Variants in CAST observed in about 807,000 individuals in gnomAD.
CAST encodes the protein calpastatin.
CAST carries 76 observed loss-of-function variants against 119.6 expected under a neutral mutation model. The observed-to-expected ratio is 0.64, with a 90% confidence interval of 0.53 to 0.77. The LOEUF (loss-of-function observed/expected upper bound fraction) is 0.77. Ranked by LOEUF, CAST falls within the 30% of genes least tolerant of loss-of-function variation. The pLI, the probability that CAST is intolerant of heterozygous loss-of-function variation, is 0.00. For synonymous variants in CAST, 319 were observed against 331.6 expected, an observed-to-expected ratio of 0.96 and a Z score of 0.41; for missense variants, 953 against 946.5, an observed-to-expected ratio of 1.01 and a Z score of -0.09.
chr5:96,556,373 G>A lies in CAST; in HGVS notation c.60+26493G>A, dbSNP rs184594574. Reference sequence around the variant, plus strand: ...AAGCTGGACGGAGAATGACTTTGACGAGTTGAGAGAAGAAGGCTTCAGAAG... The same window carrying A: ...AAGCTGGACGGAGAATGACTTTGACAAGTTGAGAGAAGAAGGCTTCAGAAG... On this transcript the variant is annotated intron_variant, in intron 1 of 11. Coordinates refer to the CAST transcript ENST00000505143. 3.1e-4 allele frequency among the ~76,000 whole-genome samples: 47 copies of A among 152,346 alleles called. No individual in the cohort carries two copies. In the Middle Eastern group the frequency reaches 0.017, roughly 55 times the overall value.
At chr5:96,589,526 G>T (rs1746927509) in intron 1 of CAST, among the ~76,000 whole-genome samples, 1 of 151,946 alleles carries the variant, frequency 6.6e-6, no homozygotes, top group South Asian at 2.1e-4. Flanking sequence ...AGTCATTTTT[G>T]CACTTGCTTT....
chr5:96,209,599 T>G, the CAST span, among the ~76,000 whole-genome samples: 1 of 152,006 alleles, frequency 6.6e-6, no homozygotes, highest in Non-Finnish European at 1.5e-5. Flanking sequence ...GATATGAAAT[T>G]TTTTATTGGA....
At chr5:96,097,541 C>G in the CAST span, among the ~76,000 whole-genome samples, 1 of 152,060 alleles carries the variant, frequency 6.6e-6, no homozygotes, top group Non-Finnish European at 1.5e-5. Flanking sequence ...TCCATGTATC[C>G]TCATCATTTA....
chr5:96,570,222 G>A (rs903139711), intron 1 of CAST, among the ~76,000 whole-genome samples: 4 of 152,128 alleles, frequency 2.6e-5, no homozygotes, highest in Non-Finnish European at 5.9e-5. Context: ...CCATGATGCT[G>A]GGCAGAGTAG....
the CAST span, among the ~76,000 whole-genome samples, chr5:96,108,396 G>T: frequency 6.6e-6 from 1 of 152,156 alleles, no homozygotes. Context: ...GTACAGATGG[G>T]TTTTTGGTGT....
chr5:96,438,309 A>G, the CAST span, among the ~76,000 whole-genome samples: 131 of 152,344 alleles, frequency 8.6e-4, no homozygotes, highest in African/African-American at 3.0e-3. Context: ...CCTGGGGTTT[A>G]CATCTGGTGT....
At chr5:96,664,161 C>T (rs1235193034) in intron 1 of CAST, among the ~76,000 whole-genome samples, 1 of 151,942 alleles carries the variant, frequency 6.6e-6, no homozygotes, top group Non-Finnish European at 1.5e-5. Context: ...AGACAATGGA[C>T]ATTTATTGAT....
At chr5:96,073,003 T>A in the CAST span, among the ~76,000 whole-genome samples, 2 of 152,366 alleles carry the variant, frequency 1.3e-5, no homozygotes, top group South Asian at 4.1e-4. Flanking sequence ...TGAGATTGTT[T>A]ATTCGAGATT....
At chr5:96,177,776 A>G in the CAST span, among the ~76,000 whole-genome samples, 1 of 152,208 alleles carries the variant, frequency 6.6e-6, no homozygotes, top group Non-Finnish European at 1.5e-5. Flanking sequence ...AGTGCTGAGG[A>G]CAACATCAAT....
chr5:96,638,523 A>G (rs924643819), intron 1 of CAST, among the ~76,000 whole-genome samples: 18 of 152,202 alleles, frequency 1.2e-4, no homozygotes, highest in Admixed American at 3.9e-4. Context: ...TCTTCTGGGG[A>G]TCCTCTAGAC....
chr5:96,592,239 A>T (rs957761228), intron 1 of CAST, among the ~76,000 whole-genome samples: 6 of 151,942 alleles, frequency 3.9e-5, no homozygotes, highest in African/African-American at 1.5e-4. Context: ...TCTCTGCTAG[A>T]AATACAGGGG....
At chr5:96,016,195 C>A in the CAST span, among the ~76,000 whole-genome samples, 1 of 152,350 alleles carries the variant, frequency 6.6e-6, no homozygotes, top group Non-Finnish European at 1.5e-5. Flanking sequence ...GCCAGCCTCA[C>A]AATCATGTAC....
At chr5:96,566,406 G>A (rs533225878) in intron 1 of CAST, among the ~76,000 whole-genome samples, 5 of 152,302 alleles carry the variant, frequency 3.3e-5, no homozygotes, top group African/African-American at 4.8e-5. Flanking sequence ...GTGAAAAGAC[G>A]TGACAAGGTG....
At chr5:96,492,229 T>C in the CAST span, among the ~76,000 whole-genome samples, 1 of 152,264 alleles carries the variant, frequency 6.6e-6, no homozygotes, top group Non-Finnish European at 1.5e-5. Context: ...GAGGGAGGCT[T>C]TGATTCCCTT....
chr5:96,548,009 G>A (rs1746050169), intron 1 of CAST, among the ~76,000 whole-genome samples: 3 of 152,114 alleles, frequency 2.0e-5, no homozygotes, highest in Admixed American at 2.0e-4. Context: ...GCCAACTTGA[G>A]CTAAGACTCC....
the CAST span, among the ~76,000 whole-genome samples, chr5:96,198,207 C>T: frequency 6.6e-6 from 1 of 152,168 alleles, no homozygotes; most frequent in Non-Finnish European, 1.5e-5. Flanking sequence ...CCAGGCCCTC[C>T]TCCTGTCTCT....
At chr5:96,219,773 GAAGA>G in the CAST span, among the ~76,000 whole-genome samples, 1 of 137,376 alleles carries the variant, frequency 7.3e-6, no homozygotes, top group South Asian at 2.1e-4. Context: ...AGGAAGGAAG[GAAGA>G]AAGGAAGGAA....
the CAST span, among the ~76,000 whole-genome samples, chr5:96,042,048 T>C: frequency 6.6e-6 from 1 of 152,128 alleles, no homozygotes; most frequent in Non-Finnish European, 1.5e-5. Context: ...GCCTTGAACT[T>C]GAGTATACAA....
At chr5:96,220,337 A>G in the CAST span, among the ~76,000 whole-genome samples, 74 of 152,310 alleles carry the variant, frequency 4.9e-4, no homozygotes, top group Middle Eastern at 3.4e-3. Flanking sequence ...CTCAGATGGT[A>G]AAAGACACCC....
Sources: allele counts gnomAD v4.1 joint callset (sites outside exome capture counted in the v4.1 genomes callset), GRCh38; gene constraint gnomAD v4.1.1; transcripts MANE v1.5; gene names NCBI Gene and HGNC (gene_info 2026-07-23, HGNC 2026-07-21).